Variants in ELP1 observed in about 807,000 individuals in gnomAD.
ELP1 encodes elongator complex protein 1.
A neutral mutation model predicts 183.2 loss-of-function variants in ELP1; 131 were observed. That is an observed-to-expected ratio of 0.72 (90% CI 0.62 to 0.83). The LOEUF (loss-of-function observed/expected upper bound fraction) is 0.83. Among genes scored for constraint, ELP1 ranks in the 40% least tolerant of loss-of-function variants. The probability of loss-of-function intolerance (pLI) is 0.00; values close to 1 mark genes in which losing one functional copy is unlikely to be tolerated. For synonymous variants in ELP1, 555 were observed against 569.0 expected (o/e 0.98, Z 0.35); for missense variants, 1,550 against 1,594.9 (o/e 0.97, Z 0.48).
At chr9:108,879,620 G>T in intron 32 of ELP1, 63 bp from the exon 33 acceptor site, 2 of 1,202,178 alleles carry the variant, frequency 1.7e-6, no homozygotes, top group South Asian at 1.2e-5. Flanking sequence ...TTTACTTTCA[G>T]GGCGGTAAAT....
intron 36 of ELP1, among the ~76,000 whole-genome samples, chr9:108,872,825 A>AAC (rs1827533593): frequency 8.2e-6 from 1 of 122,090 alleles, no homozygotes; most frequent in African/African-American, 2.6e-5. Flanking sequence ...AAAAAAAAAA[A>AAC]AAAAAAAAAA....
intron 3 of ELP1, among the ~76,000 whole-genome samples, chr9:108,928,861 T>C (rs563890785): frequency 2.6e-5 from 4 of 152,246 alleles, no homozygotes; most frequent in Non-Finnish European, 5.9e-5. Context: ...ATGATTGTAC[T>C]AAATGGAATG....
intron 1 of ELP1, among the ~76,000 whole-genome samples, chr9:108,932,178 A>C (rs1238891696): frequency 1.3e-5 from 2 of 152,206 alleles, no homozygotes; most frequent in African/African-American, 4.8e-5. Context: ...AGTACACAGA[A>C]GATAATGTCA....
chr9:108,878,767 A>G lies in ELP1; in HGVS notation c.3573-17T>C, dbSNP rs1827799279. 6.2e-7 allele frequency: 1 copy of G among 1,613,174 alleles called. No individual in the cohort carries two copies. Among genetic ancestry groups the G allele is most frequent in the African/African-American group, 1.3e-5 (1 of 74,916 alleles). The stretch of plus-strand genomic sequence containing the variant: ...GATGATCTCCTGTTAGAAATTACAC[A>G]GATATTTTTAAGCCTCCTGAGTAGC... On this transcript the variant is annotated splice_polypyrimidine_tract_variant and intron_variant, in intron 33 of 36. Transcript: ENST00000374647.
intron 29 of ELP1, among the ~76,000 whole-genome samples, chr9:108,884,964 C>T (rs7467532): frequency 0.22 from 33,078 of 151,756 alleles, 4,017 homozygotes; most frequent in African/African-American, 0.32. Context: ...ACCTGTAATC[C>T]CAACTACTCT....
At chr9:108,908,254 T>G (rs1213633093) in intron 13 of ELP1, 51 bp downstream of exon 13, 1 of 1,348,152 alleles carries the variant, frequency 7.4e-7, no homozygotes, top group Non-Finnish European at 1.1e-6. Flanking sequence ...AATTTAGGAC[T>G]GCATGCTGGC....
At chr9:108,917,336 G>A (rs993118417) in intron 9 of ELP1, among the ~76,000 whole-genome samples, 12 of 151,984 alleles carry the variant, frequency 7.9e-5, no homozygotes, top group Admixed American at 1.3e-4. Flanking sequence ...CTGTGGTGGC[G>A]CAAGCCTGTA....
intron 5 of ELP1, 46 bp downstream of exon 5, chr9:108,926,477 T>C: frequency 6.9e-7 from 1 of 1,451,168 alleles, no homozygotes; most frequent in Non-Finnish European, 9.6e-7. Flanking sequence ...TGGTCAAAAA[T>C]GGGAAGAAAC....
At chr9:108,890,283 T>C (rs1008066986) in intron 28 of ELP1, among the ~76,000 whole-genome samples, 1 of 152,008 alleles carries the variant, frequency 6.6e-6, no homozygotes, top group African/African-American at 2.4e-5. Flanking sequence ...GAAAGGCTAA[T>C]AACCAGAAAA....
chr9:108,908,360 C>G lies in ELP1; in HGVS notation c.1405G>C (p.Gly469Arg), dbSNP rs758755864. The G allele has an allele frequency of 1.2e-6, 2 of 1,614,146 alleles. No homozygotes were observed. Among genetic ancestry groups the G allele is most frequent in the South Asian group, 1.1e-5 (1 of 91,084 alleles). Reference sequence around the variant, plus strand: ...AGGCAAACTTTAAATCCACTTCCACCCACAGCTCCCAGTTTCACTGTAGGG... The same window carrying G: ...AGGCAAACTTTAAATCCACTTCCACGCACAGCTCCCAGTTTCACTGTAGGG... ...ADPTVKLGAV[G>R]GSGFKVCLRT... is the part of the protein sequence containing the mutation. The change falls in exon 13 of 37, where the codon GGT (glycine) becomes CGT (arginine). Residue 469 changes from glycine (G) to arginine (R), a missense_variant. Gly to Arg is a moderately radical substitution (Grantham distance 125, BLOSUM62 -2). Coordinates refer to ENST00000374647, the MANE Select transcript of ELP1 (RefSeq NM_003640.5).
At chr9:108,899,604 G>T (rs1004659768) in intron 20 of ELP1, among the ~76,000 whole-genome samples, 1 of 151,078 alleles carries the variant, frequency 6.6e-6, no homozygotes, top group Non-Finnish European at 1.5e-5. Context: ...TTTATATGAT[G>T]AGTGTCACGA....
Position 108,917,684 on chromosome 9 carries a change from C to A in ELP1, c.741-14G>T. 1 of 1,613,738 alleles carries A rather than the reference C, an allele frequency of 6.2e-7. No individual in the cohort carries two copies. The highest frequency in any genetic ancestry group is 1.1e-5 in the South Asian group (1 of 91,062). The stretch of plus-strand genomic sequence containing the variant: ...CTGCCTGAGGGTCTTAAAGCAAACT[C>A]AGAGTGTTACAATATCGAAAGCTCA... On this transcript the variant is annotated splice_polypyrimidine_tract_variant and intron_variant, in intron 8 of 36. Coordinates refer to ENST00000374647, the MANE Select transcript of ELP1 (RefSeq NM_003640.5).
intron 36 of ELP1, among the ~76,000 whole-genome samples, chr9:108,871,540 T>A (rs942828368): frequency 6.6e-6 from 1 of 152,172 alleles, no homozygotes; most frequent in Non-Finnish European, 1.5e-5. Flanking sequence ...CCTTCCAGGC[T>A]CGGGGGTTAG....
intron 6 of ELP1, among the ~76,000 whole-genome samples, chr9:108,922,585 T>G (rs1050905766): frequency 2.6e-5 from 4 of 152,260 alleles, no homozygotes; most frequent in Admixed American, 2.6e-4. Context: ...TGTGATGTTT[T>G]ATTTTTTAAA....
At position 108,898,008 on chromosome 9, in the gene ELP1, T is replaced by C. The variant is rs140004374; in HGVS notation, c.2363+494A>G. Among the ~76,000 whole-genome samples, 391 of 152,330 alleles carry C rather than the reference T, an allele frequency of 2.6e-3. 3 individuals are homozygous for C. Among genetic ancestry groups the C allele is most frequent in the African/African-American group, 8.7e-3 (363 of 41,578 alleles). ...ACAGGTGGTAGAGTGGACTGATGTCTACAACTCACTTAGCAATTTGTCTAC... is the reference window on the plus strand; with the variant it reads ...ACAGGTGGTAGAGTGGACTGATGTCCACAACTCACTTAGCAATTTGTCTAC... On this transcript the variant is annotated intron_variant, in intron 22 of 36. Coordinates refer to ENST00000374647, the MANE Select transcript of ELP1 (RefSeq NM_003640.5).
chr9:108,908,357 C>T lies in ELP1; in HGVS notation c.1408G>A (p.Gly470Arg), dbSNP rs765727987. Residue 470 changes from glycine to arginine, a missense_variant, in exon 13 of 37, where the codon GGA becomes AGA. Physicochemically the swap from Gly to Arg is moderately radical, Grantham distance 125. Coordinates refer to ENST00000374647, the MANE Select transcript of ELP1 (RefSeq NM_003640.5). ...CTAAGGCAAACTTTAAATCCACTTCCACCCACAGCTCCCAGTTTCACTGTA... is the reference window on the plus strand; with the variant it reads ...CTAAGGCAAACTTTAAATCCACTTCTACCCACAGCTCCCAGTTTCACTGTA... ...DPTVKLGAVGGSGFKVCLRTP... is the reference protein window; with the variant it reads ...DPTVKLGAVGRSGFKVCLRTP... 2.5e-6 allele frequency: 4 copies of T among 1,614,062 alleles called. No individual in the cohort carries two copies. In the African/African-American group the frequency reaches 4.0e-5, roughly 16 times the overall value.
intron 29 of ELP1, among the ~76,000 whole-genome samples, chr9:108,888,359 C>T (rs1828205911): frequency 6.6e-6 from 1 of 152,164 alleles, no homozygotes; most frequent in Non-Finnish European, 1.5e-5. Context: ...TCCAAATGTA[C>T]TGAATTCTTC....
intron 29 of ELP1, among the ~76,000 whole-genome samples, chr9:108,888,736 A>T (rs760497671): frequency 1.4e-4 from 21 of 152,222 alleles, no homozygotes; most frequent in Non-Finnish European, 2.5e-4. Context: ...ATCAGTAACA[A>T]CTGTAAAAAA....
chr9:108,928,732 A>G (rs1164685749), intron 3 of ELP1, among the ~76,000 whole-genome samples: 1 of 152,220 alleles, frequency 6.6e-6, no homozygotes, highest in Admixed American at 6.5e-5. Flanking sequence ...CTCAGTAACC[A>G]GGAAACAATG....
Sources: allele counts gnomAD v4.1 joint callset (sites outside exome capture counted in the v4.1 genomes callset), GRCh38; gene constraint gnomAD v4.1.1; transcripts MANE v1.5; gene names NCBI Gene and HGNC (gene_info 2026-07-23, HGNC 2026-07-21).